The following MGLL variants were observed in gnomAD, a reference collection of about 807,000 sequenced individuals.
MGLL encodes lysophospholipase homolog.
MGLL carries 7 observed loss-of-function variants against 29.1 expected under a neutral mutation model. The ratio of observed to expected loss-of-function variants is 0.24; its 90% CI spans 0.14 to 0.45. The LOEUF is 0.45. Among genes scored for constraint, MGLL ranks in the 20% least tolerant of loss-of-function variants. The pLI is 0.99. For synonymous variants in MGLL, 148 were observed against 168.3 expected, an observed-to-expected ratio of 0.88 and a Z score of 0.93; for missense variants, 356 against 413.6, an observed-to-expected ratio of 0.86 and a Z score of 1.21.
intron 3 of MGLL, among the ~76,000 whole-genome samples, chr3:127,728,032 T>C (rs2076079459): frequency 6.6e-6 from 1 of 152,254 alleles, no homozygotes; most frequent in Non-Finnish European, 1.5e-5. Flanking sequence ...CTTATGTTAC[T>C]AATTTGATAA....
chr3:127,735,951 A>C, intron 3 of MGLL: 1 of 1,473,618 alleles, frequency 6.8e-7, no homozygotes, highest in South Asian at 1.3e-5. Context: ...GCTCTCTTAG[A>C]GTGCAAGCGT....
intron 2 of MGLL, among the ~76,000 whole-genome samples, chr3:127,802,380 C>A (rs993622322): frequency 6.6e-6 from 1 of 152,182 alleles, no homozygotes; most frequent in Non-Finnish European, 1.5e-5. Context: ...CAATAACAAG[C>A]AAAACCGACA....
intron 2 of MGLL, among the ~76,000 whole-genome samples, chr3:127,809,205 CT>C (rs1381498227): frequency 6.6e-6 from 1 of 152,146 alleles, no homozygotes; most frequent in African/African-American, 2.4e-5. Flanking sequence ...TCTCTCTTAC[CT>C]TTTATCATGG....
At chr3:127,764,353 G>A (rs2107685765) in intron 3 of MGLL, among the ~76,000 whole-genome samples, 1 of 152,302 alleles carries the variant, frequency 6.6e-6, no homozygotes, top group South Asian at 2.1e-4. Flanking sequence ...GGGTCCCACT[G>A]GCCTCTCAGC....
At chr3:127,806,434 T>G (rs1295095030) in intron 2 of MGLL, among the ~76,000 whole-genome samples, 1 of 151,984 alleles carries the variant, frequency 6.6e-6, no homozygotes, top group Non-Finnish European at 1.5e-5. Flanking sequence ...GATGGGTGGA[T>G]TGGTGAATGG....
At chr3:127,753,223 C>A (rs1327578537) in intron 3 of MGLL, among the ~76,000 whole-genome samples, 1 of 152,196 alleles carries the variant, frequency 6.6e-6, no homozygotes, top group African/African-American at 2.4e-5. Flanking sequence ...AGCCTATCAC[C>A]CAGTCACTCT....
chr3:127,771,093 A>C (rs920490643), intron 3 of MGLL, among the ~76,000 whole-genome samples: 21 of 152,178 alleles, frequency 1.4e-4, no homozygotes, highest in Non-Finnish European at 2.8e-4. Flanking sequence ...AAGCCTGCTT[A>C]AACCCCCATC....
intron 2 of MGLL, among the ~76,000 whole-genome samples, chr3:127,785,463 C>T (rs577144792): frequency 1.8e-4 from 27 of 152,382 alleles, no homozygotes; most frequent in African/African-American, 5.8e-4. Context: ...TTTCACAAAA[C>T]ATTGTGCTTC....
chr3:127,762,865 A>C (rs1241211828), intron 3 of MGLL, among the ~76,000 whole-genome samples: 1 of 152,196 alleles, frequency 6.6e-6, no homozygotes, highest in African/African-American at 2.4e-5. Flanking sequence ...TACCATTATT[A>C]CCATCTCAAC....
chr3:127,762,447 C>T (rs1219224077), intron 3 of MGLL, among the ~76,000 whole-genome samples: 3 of 152,190 alleles, frequency 2.0e-5, no homozygotes, highest in East Asian at 3.9e-4. Context: ...AGCCCTGACC[C>T]TACCTATTTT....
intron 6 of MGLL, among the ~76,000 whole-genome samples, chr3:127,696,396 C>T (rs1278307759): frequency 1.4e-4 from 7 of 49,372 alleles, no homozygotes; most frequent in Non-Finnish European, 2.0e-4. Context: ...CCTGATGCTT[C>T]TTTTTTTTTT....
chr3:127,694,842 G>A (rs1331660178), intron 7 of MGLL, 133 bp downstream of exon 7: 2 of 775,646 alleles, frequency 2.6e-6, no homozygotes, highest in East Asian at 2.7e-5. Flanking sequence ...TTATTTCTCG[G>A]TCAAGCAGGC....
intron 5 of MGLL, chr3:127,711,675 A>G (rs1480394605): frequency 6.6e-6 from 1 of 150,952 alleles, no homozygotes; most frequent in African/African-American, 2.4e-5. Context: ...GGGCAAGGGC[A>G]CTCACAGGCA....
intron 3 of MGLL, among the ~76,000 whole-genome samples, chr3:127,768,101 CA>C (rs1422477767): frequency 3.3e-5 from 5 of 151,894 alleles, no homozygotes; most frequent in African/African-American, 1.2e-4. Context: ...AAAGCTGACA[CA>C]AAAAGAAAAA....
At position 127,690,077 on chromosome 3, in the gene MGLL, T is replaced by TG. The variant is rs1166742403; in HGVS notation, c.*2120dup. ...GAATGGTGATGCCACCACATGCATC[T>TG]GGGGGAGGCAGCAGGGAGGCGTAGG... On this transcript the variant is annotated 3_prime_UTR_variant, in exon 8 of 8. Coordinates refer to ENST00000265052, the MANE Select transcript of MGLL (RefSeq NM_007283.7). 3.3e-5 allele frequency: 5 copies of TG among 152,140 alleles called. No homozygotes were observed. The highest frequency in any genetic ancestry group is 1.2e-4 in the African/African-American group (5 of 41,388). 9.4% of individuals were successfully genotyped at this position (152,140 alleles called of 1,614,324 possible).
intron 3 of MGLL, among the ~76,000 whole-genome samples, chr3:127,753,353 G>A (rs1459735332): frequency 1.3e-5 from 2 of 152,306 alleles, no homozygotes; most frequent in East Asian, 3.9e-4. Flanking sequence ...GCTGATGCTG[G>A]GTCCTTGATG....
At chr3:127,801,040 G>A (rs562399679) in intron 2 of MGLL, among the ~76,000 whole-genome samples, 9 of 152,314 alleles carry the variant, frequency 5.9e-5, no homozygotes, top group Non-Finnish European at 1.3e-4. Flanking sequence ...GGTGGCTCAC[G>A]CCTGTAATCC....
intron 3 of MGLL, among the ~76,000 whole-genome samples, chr3:127,752,109 T>A (rs959075107): frequency 2.0e-5 from 3 of 152,058 alleles, no homozygotes; most frequent in Admixed American, 6.5e-5. Flanking sequence ...GTCACTTTTT[T>A]TTTTTTAGAC....
At chr3:127,746,530 G>A (rs1451179469) in intron 3 of MGLL, among the ~76,000 whole-genome samples, 1 of 152,076 alleles carries the variant, frequency 6.6e-6, no homozygotes, top group Non-Finnish European at 1.5e-5. Flanking sequence ...CCCTGGGCTG[G>A]TTTCTGTTTC....
Sources: gnomAD v4.1 joint callset for allele counts (sites outside exome capture counted in the v4.1 genomes callset) on GRCh38, gnomAD v4.1.1 for gene constraint, MANE v1.5 for transcripts, NCBI Gene and HGNC (gene_info 2026-07-23, HGNC 2026-07-21) for gene names.